Variants in MARCHF7 observed in about 807,000 individuals in gnomAD.
The protein encoded by MARCHF7 is E3 ubiquitin-protein ligase MARCHF7.
Under a neutral mutation model 76.5 loss-of-function variants are expected in MARCHF7, and 20 were observed. The ratio of observed to expected loss-of-function variants is 0.26; its 90% CI spans 0.18 to 0.38. The LOEUF (loss-of-function observed/expected upper bound fraction) is 0.38, where lower values mean the gene tolerates loss of function less well. MARCHF7 is among the 10% of genes least tolerant of loss of function. The probability of loss-of-function intolerance (pLI) is 1.00; values close to 1 mark genes in which losing one functional copy is unlikely to be tolerated. For missense variants in MARCHF7, 797 were observed against 812.9 expected (o/e 0.98, Z 0.24); for synonymous variants, 295 against 293.0 (o/e 1.01, Z -0.07).
At position 159,762,926 on chromosome 2, in the gene MARCHF7, T is replaced by C; in HGVS notation, c.1940T>C (p.Leu647Ser). ...ISSGLYLVVL[L>S]HLCEQSFSDM... ...TCTGGTCTCTACCTAGTGGTGTTAT[T>C]GCACTTGTGCGAACAAAGCTTTTCT... Residue 647 changes from leucine (L) to serine (S), a missense_variant, in exon 10 of 12, where the codon TTG (leucine) becomes TCG (serine). Around this residue, in one of 3 missense-constraint regions of MARCHF7, gnomAD observed 124 missense variants for 121.3 expected, o/e 1.02. Coordinates refer to ENST00000409175, the MANE Select transcript of MARCHF7 (RefSeq NM_001282805.2). 6.2e-7 allele frequency: 1 copy of C among 1,613,342 alleles called. No individual in the cohort carries two copies. Among genetic ancestry groups the C allele is most frequent in the Non-Finnish European group, 8.5e-7 (1 of 1,179,742 alleles).
intron 7 of MARCHF7, among the ~76,000 whole-genome samples, chr2:159,749,229 C>T (rs578150014): frequency 3.9e-5 from 6 of 152,154 alleles, no homozygotes; most frequent in South Asian, 2.1e-4. Context: ...CCACCCACCT[C>T]GGCCTCCCAA....
At chr2:159,726,081 C>T (rs1384914155) in intron 3 of MARCHF7, among the ~76,000 whole-genome samples, 1 of 151,954 alleles carries the variant, frequency 6.6e-6, no homozygotes, top group Non-Finnish European at 1.5e-5. Context: ...TATTGCATGT[C>T]GTGTGTGGGA....
intron 3 of MARCHF7, among the ~76,000 whole-genome samples, chr2:159,726,480 T>G (rs1264838978): frequency 2.6e-5 from 4 of 151,836 alleles, no homozygotes; most frequent in Admixed American, 2.6e-4. Context: ...GCCAGGATGG[T>G]CTTGATCTCC....
intron 5 of MARCHF7, among the ~76,000 whole-genome samples, chr2:159,743,628 G>T (rs1574338896): frequency 6.6e-6 from 1 of 152,134 alleles, no homozygotes; most frequent in African/African-American, 2.4e-5. Context: ...GATAAACATT[G>T]TAGTACATAA....
chr2:159,759,082 T>C (rs879149820), intron 8 of MARCHF7, 144 bp from the exon 9 acceptor site: 2 of 562,750 alleles, frequency 3.6e-6, no homozygotes, highest in Non-Finnish European at 3.2e-6. Flanking sequence ...GGGACATTAC[T>C]GGTTTACTGC....
At position 159,712,558 on chromosome 2, in the gene MARCHF7, A is replaced by T. The variant is rs527642460; in HGVS notation, c.-191A>T. On this transcript the variant is annotated 5_prime_UTR_variant, in exon 1 of 12. Coordinates refer to ENST00000409175, the MANE Select transcript of MARCHF7 (RefSeq NM_001282805.2). ...CGGGCGCCATTGTGCTTCGCTGCCGACTGCATTTCCTCAGTCACGGGCCTA... is the reference window on the plus strand; with the variant it reads ...CGGGCGCCATTGTGCTTCGCTGCCGTCTGCATTTCCTCAGTCACGGGCCTA... The T allele has an allele frequency of 1.3e-5, 2 of 152,668 alleles. No individual in the cohort carries two copies. Among genetic ancestry groups the T allele is most frequent in the East Asian group, 3.9e-4 (2 of 5,130 alleles). 9.5% of individuals were successfully genotyped at this position (152,668 alleles called of 1,614,324 possible).
chr2:159,736,602 G>GA (rs1703484878), intron 4 of MARCHF7, among the ~76,000 whole-genome samples: 2 of 151,692 alleles, frequency 1.3e-5, no homozygotes, highest in Non-Finnish European at 2.9e-5. Flanking sequence ...ATTTGTGTTG[G>GA]GAAAATATTT....
intron 1 of MARCHF7, among the ~76,000 whole-genome samples, chr2:159,713,999 T>A (rs1185052803): frequency 6.6e-6 from 1 of 152,214 alleles, no homozygotes. Context: ...ATTTCTTTTT[T>A]CTGCCACCTG....
intron 1 of MARCHF7, among the ~76,000 whole-genome samples, chr2:159,713,487 C>G (rs1700548102): frequency 6.6e-6 from 1 of 152,174 alleles, no homozygotes; most frequent in Non-Finnish European, 1.5e-5. Flanking sequence ...GCGAGGTTTT[C>G]TCCCCCATTT....
chr2:159,751,320 T>C (rs1352096184), intron 7 of MARCHF7, among the ~76,000 whole-genome samples: 1 of 152,178 alleles, frequency 6.6e-6, no homozygotes, highest in Admixed American at 6.5e-5. Flanking sequence ...TGTGTGTGTA[T>C]GTTTGTATTT....
At position 159,770,265 on chromosome 2, in the gene MARCHF7, C is replaced by CA. The variant is rs1708095252; in HGVS notation, c.*2927dup. Reference sequence around the variant, plus strand: ...TAAAATAGACATCTCAATCACTATACAAAATCTCAGAAATGTAAAGCTCTT... The same window carrying CA: ...TAAAATAGACATCTCAATCACTATACAAAAATCTCAGAAATGTAAAGCTCTT... On this transcript the variant is annotated 3_prime_UTR_variant, in exon 12 of 12. Transcript: ENST00000409175. The CA allele has an allele frequency of 2.6e-5, 4 of 152,118 alleles. No individual in the cohort carries two copies. The South Asian group carries it at 8.3e-4, about 32-fold the overall frequency. 9.4% of individuals were successfully genotyped at this position (152,118 alleles called of 1,614,324 possible).
At chr2:159,761,402 A>ATTTTTTTT (rs1437341788) in intron 9 of MARCHF7, among the ~76,000 whole-genome samples, 5 of 68,454 alleles carry the variant, frequency 7.3e-5, no homozygotes, top group Non-Finnish European at 1.5e-4. Flanking sequence ...TAAGTGAATC[A>ATTTTTTTT]TTTCTTTTTT....
intron 4 of MARCHF7, 28 bp from the exon 5 acceptor site, chr2:159,743,033 T>C (rs1275864945): frequency 6.3e-7 from 1 of 1,592,956 alleles, no homozygotes; most frequent in Non-Finnish European, 8.6e-7. Flanking sequence ...AGCCTTTTGT[T>C]GTTTAAAAAA....
At chr2:159,731,810 C>A (rs930497679) in intron 4 of MARCHF7, among the ~76,000 whole-genome samples, 10 of 147,254 alleles carry the variant, frequency 6.8e-5, no homozygotes, top group South Asian at 4.4e-4. Context: ...TTAAAAAAAA[C>A]CATTTAAATT....
Position 159,764,647 on chromosome 2 carries a change from C to CT in MARCHF7, c.2031dup (p.Gln678SerfsTer13). The CT allele has an allele frequency of 6.2e-7, 1 of 1,604,976 alleles. No individual in the cohort carries two copies. Among genetic ancestry groups the CT allele is most frequent in the Non-Finnish European group, 8.5e-7 (1 of 1,175,980 alleles). On this transcript the variant is annotated frameshift_variant, in exon 11 of 12. Coordinates refer to ENST00000409175, the MANE Select transcript of MARCHF7 (RefSeq NM_001282805.2). LOFTEE classifies it high-confidence loss of function. ...CTAGTTTATTAACCTTGCAAGAACTCTTCAGGCACATATGGAAGATCTCGA... is the reference window on the plus strand; with the variant it reads ...CTAGTTTATTAACCTTGCAAGAACTCTTTCAGGCACATATGGAAGATCTCGA...
chr2:159,735,299 A>C (rs1173963017), intron 4 of MARCHF7, among the ~76,000 whole-genome samples: 2 of 152,234 alleles, frequency 1.3e-5, no homozygotes, highest in Non-Finnish European at 2.9e-5. Context: ...ATTTTTAATT[A>C]ATCATTTGCC....
At chr2:159,752,155 C>A (rs536115377) in intron 7 of MARCHF7, among the ~76,000 whole-genome samples, 1 of 152,208 alleles carries the variant, frequency 6.6e-6, no homozygotes, top group African/African-American at 2.4e-5. Flanking sequence ...GATAGGTTAG[C>A]CTATTTTACT....
At chr2:159,753,922 C>T (rs1176783972) in intron 8 of MARCHF7, among the ~76,000 whole-genome samples, 5 of 152,090 alleles carry the variant, frequency 3.3e-5, no homozygotes, top group South Asian at 4.1e-4. Flanking sequence ...TAGGGAAGCT[C>T]GTATTTTTGC....
intron 4 of MARCHF7, among the ~76,000 whole-genome samples, chr2:159,732,171 A>C (rs182869024): frequency 2.4e-3 from 368 of 152,170 alleles, no homozygotes; most frequent in Non-Finnish European, 4.3e-3. Flanking sequence ...AAATGACCCC[A>C]CCTAAATGAT....
Sources: allele counts gnomAD v4.1 joint callset (sites outside exome capture counted in the v4.1 genomes callset), GRCh38; gene constraint gnomAD v4.1.1; regional missense constraint gnomAD v4.1.1; transcripts MANE v1.5; gene names NCBI Gene and HGNC (gene_info 2026-07-23, HGNC 2026-07-21).